SYNE2: variants seen among roughly 807,000 people sequenced by gnomAD.
The protein encoded by SYNE2 is spectrin repeat containing nuclear envelope protein 2.
A neutral mutation model predicts 856.3 loss-of-function variants in SYNE2; 431 were observed. The ratio of observed to expected loss-of-function variants is 0.50; its 90% confidence interval spans 0.47 to 0.55. The LOEUF (loss-of-function observed/expected upper bound fraction) is 0.55, where lower values mean the gene tolerates loss of function less well. SYNE2 is among the 20% of genes least tolerant of loss of function. The pLI, the probability that SYNE2 is intolerant of heterozygous loss-of-function variation, is 0.00. For missense variants in SYNE2, 8,129 were observed against 8,023.2 expected, an observed-to-expected ratio of 1.01 and a Z score of -0.50; for synonymous variants, 2,923 against 2,872.3, an observed-to-expected ratio of 1.02 and a Z score of -0.56.
At chr14:63,819,796 A>G (rs1889145562) in intron 1 of SYNE2, among the ~76,000 whole-genome samples, 1 of 133,806 alleles carries the variant, frequency 7.5e-6, no homozygotes, top group African/African-American at 2.8e-5. Flanking sequence ...TCGGCCTCCC[A>G]AAGTGCTGGG....
intron 65 of SYNE2, among the ~76,000 whole-genome samples, chr14:64,107,953 A>C (rs1417825742): frequency 6.6e-6 from 1 of 152,248 alleles, no homozygotes; most frequent in Non-Finnish European, 1.5e-5. Context: ...CCTGTTACAT[A>C]AAAGGCATTT....
rs2098686803 is a variant in SYNE2, at chr14:64,219,916, C to T, written c.19860+506C>T. On this transcript the variant is annotated intron_variant, in intron 110 of 115. Coordinates refer to ENST00000555002, the MANE Select transcript of SYNE2 (RefSeq NM_182914.3). ...TAAGTCCTGACCCCACTGGAACTAG[C>T]CCAGGGAGCTGCAAAGGGACAGTTT... 2.0e-5 allele frequency among the ~76,000 whole-genome samples: 3 copies of T among 152,286 alleles called. No individual in the cohort carries two copies. In the South Asian group the frequency reaches 6.2e-4, roughly 32 times the overall value.
chr14:64,138,747 C>T (rs1364464939), intron 79 of SYNE2, among the ~76,000 whole-genome samples: 8 of 152,068 alleles, frequency 5.3e-5, no homozygotes, highest in Non-Finnish European at 1.2e-4. Context: ...AGGAGGAGAA[C>T]ATAGAACATT....
chr14:63,945,530 A>G (rs2096012292), intron 6 of SYNE2, among the ~76,000 whole-genome samples: 1 of 152,216 alleles, frequency 6.6e-6, no homozygotes, highest in South Asian at 2.1e-4. Flanking sequence ...ATGAATATCC[A>G]ATTGTATGAA....
chr14:63,930,681 C>A (rs1017925955), intron 2 of SYNE2, among the ~76,000 whole-genome samples: 2 of 151,932 alleles, frequency 1.3e-5, no homozygotes, highest in Non-Finnish European at 2.9e-5. Context: ...ATTACAGGTG[C>A]CCACCACCAC....
chr14:64,090,750 A>T lies in SYNE2; in HGVS notation c.11794-116A>T. 3.7e-5 allele frequency: 35 copies of T among 949,234 alleles called. No homozygotes were observed. In the South Asian group the frequency reaches 5.9e-4, roughly 16 times the overall value. The allele number at this position is 949,234 out of a possible 1,614,324, so 58.8% of individuals were successfully genotyped here. On this transcript the variant is annotated intron_variant, in intron 59 of 115. Coordinates refer to ENST00000555002, the MANE Select transcript of SYNE2 (RefSeq NM_182914.3). ...AGTTCTTTTCAATCTGAGCTAAGAA[A>T]TTATTTTAAAAATGCAAACTATAAA...
At chr14:63,837,728 A>G (rs1258509067) in intron 1 of SYNE2, among the ~76,000 whole-genome samples, 1 of 151,644 alleles carries the variant, frequency 6.6e-6, no homozygotes, top group Non-Finnish European at 1.5e-5. Flanking sequence ...CAGCCTGGGC[A>G]ATATAGTAAG....
intron 46 of SYNE2, chr14:64,048,503 G>T (rs911963587): frequency 1.7e-5 from 3 of 178,828 alleles, no homozygotes; most frequent in African/African-American, 4.8e-5. Context: ...AGTTCTATGA[G>T]GTTCTTCCCC....
chr14:64,128,092 G>A (rs565135069), intron 73 of SYNE2, among the ~76,000 whole-genome samples: 289 of 152,256 alleles, frequency 1.9e-3, no homozygotes, highest in Non-Finnish European at 3.3e-3. Flanking sequence ...ATCATATTAA[G>A]GAATTATTAT....
Position 64,027,514 on chromosome 14 carries a change from G to A in SYNE2, c.6435G>A (p.Glu2145=), listed in dbSNP as rs2096990231. Residue 2145 remains glutamate, a synonymous_variant, in exon 43 of 116, where the codon GAG becomes GAA. Transcript: ENST00000555002. ...AAGAAAAGCTTCTACTAGAAGGAGAGAAATATTTACAAAGTAAGGAGGATC... is the reference window on the plus strand; with the variant it reads ...AAGAAAAGCTTCTACTAGAAGGAGAAAAATATTTACAAAGTAAGGAGGATC... ...SHQEKLLLEG[E]KYLQSKEDLR... is the part of the protein sequence containing the mutation. 1 of 1,601,792 alleles carries A rather than the reference G, an allele frequency of 6.2e-7. No homozygotes were observed. Among genetic ancestry groups the A allele is most frequent in the Non-Finnish European group, 8.5e-7 (1 of 1,175,486 alleles).
chr14:63,795,045 A>G (rs189288801), intron 1 of SYNE2, among the ~76,000 whole-genome samples: 3 of 152,278 alleles, frequency 2.0e-5, no homozygotes, highest in Admixed American at 2.0e-4. Context: ...AGCTAGGATC[A>G]CAGCCATGTG....
At chr14:63,822,073 C>A (rs946447723) in intron 1 of SYNE2, among the ~76,000 whole-genome samples, 2 of 151,288 alleles carry the variant, frequency 1.3e-5, no homozygotes, top group Non-Finnish European at 2.9e-5. Flanking sequence ...TGCCTGTATT[C>A]CCAGCTATTT....
chr14:64,022,728 G>A, intron 37 of SYNE2, 23 bp from the exon 38 acceptor site: 2 of 1,257,274 alleles, frequency 1.6e-6, no homozygotes, highest in South Asian at 2.5e-5. Context: ...TGAATGAATA[G>A]AGCTTTTTTT....
At chr14:63,795,938 T>C (rs1887902171) in intron 1 of SYNE2, among the ~76,000 whole-genome samples, 1 of 152,200 alleles carries the variant, frequency 6.6e-6, no homozygotes, top group Non-Finnish European at 1.5e-5. Context: ...GGCAAATTTA[T>C]AGAAACAGAA....
At chr14:63,909,506 G>C (rs886758175) in intron 2 of SYNE2, among the ~76,000 whole-genome samples, 1 of 152,044 alleles carries the variant, frequency 6.6e-6, no homozygotes, top group African/African-American at 2.4e-5. Context: ...TAGTTTGCTT[G>C]GCATTGTTTT....
At chr14:64,183,819 G>A (rs1331272521) in intron 96 of SYNE2, among the ~76,000 whole-genome samples, 2 of 152,100 alleles carry the variant, frequency 1.3e-5, no homozygotes, top group Non-Finnish European at 2.9e-5. Context: ...GGCAGGCTGA[G>A]GCAGGAGAAT....
intron 67 of SYNE2, among the ~76,000 whole-genome samples, 151 bp from the exon 68 acceptor site, chr14:64,120,772 AAAAC>A (rs1341106966): frequency 6.6e-6 from 1 of 152,182 alleles, no homozygotes; most frequent in African/African-American, 2.4e-5. Flanking sequence ...TCAAAAAACA[AAAAC>A]AAAAAATTAT....
At chr14:64,178,471 T>C (rs536599151) in intron 96 of SYNE2, among the ~76,000 whole-genome samples, 1 of 152,326 alleles carries the variant, frequency 6.6e-6, no homozygotes, top group Non-Finnish European at 1.5e-5. Context: ...TTCGTTTGTT[T>C]TTAAGAGACA....
intron 49 of SYNE2, among the ~76,000 whole-genome samples, chr14:64,059,625 G>C (rs2097300688): frequency 6.6e-6 from 1 of 152,264 alleles, no homozygotes; most frequent in African/African-American, 2.4e-5. Flanking sequence ...CCTGAAGTCA[G>C]CACAGCATCA....
Sources: allele counts gnomAD v4.1 joint callset (sites outside exome capture counted in the v4.1 genomes callset), GRCh38; gene constraint gnomAD v4.1.1; transcripts MANE v1.5; gene names NCBI Gene and HGNC (gene_info 2026-07-23, HGNC 2026-07-21).